The following PRG4 variants were observed in gnomAD, a reference collection of about 807,000 sequenced individuals.
PRG4 encodes the protein articular superficial zone protein.
Under a neutral mutation model 91.2 loss-of-function variants are expected in PRG4, and 61 were observed. The observed-to-expected ratio is 0.67, with a 90% CI of 0.54 to 0.83. PRG4 has a LOEUF of 0.83. PRG4 is among the 40% of genes least tolerant of loss of function. The probability of loss-of-function intolerance (pLI) is 0.00; values close to 1 mark genes in which losing one functional copy is unlikely to be tolerated. For missense variants in PRG4, 1,564 were observed against 1,714.2 expected (o/e 0.91, Z 1.55); for synonymous variants, 576 against 614.2 (o/e 0.94, Z 0.92).
Position 186,308,134 on chromosome 1 carries a change from C to A in PRG4, c.2415C>A (p.Thr805=). Residue 805 remains threonine (T), a synonymous_variant, in exon 7 of 13, where the codon ACC becomes ACA. Transcript: ENST00000445192. ...KKPAPKELAP[T]TTKGPTSTTS... ...CTGCCCCCAAGGAGCTTGCACCCAC[C>A]ACCACCAAGGGGCCCACATCCACCA... is the stretch of plus-strand genomic sequence containing the variant. 6.2e-7 allele frequency: 1 copy of A among 1,609,332 alleles called. No individual in the cohort carries two copies. The highest frequency in any genetic ancestry group is 1.7e-4 in the Middle Eastern group (1 of 6,040).
Position 186,311,456 on chromosome 1 carries a change from G to GT in PRG4, c.3657dup (p.Thr1220TyrfsTer3). ...AATTATCAGGATTCTCAGTACTGGC[G>GT]TTTTACCAATGATATAAAAGATGCA... On this transcript the variant is annotated frameshift_variant, in exon 10 of 13. Coordinates refer to ENST00000445192, the MANE Select transcript of PRG4 (RefSeq NM_005807.6). LOFTEE classifies it high-confidence loss of function. 1.1e-5 allele frequency: 17 copies of GT among 1,613,432 alleles called. No homozygotes were observed. The highest frequency in any genetic ancestry group is 1.4e-5 in the Non-Finnish European group (17 of 1,179,522).
rs144985922 is a variant in PRG4 at position 186,309,087 on chromosome 1, A to C, written c.3368A>C (p.Asp1123Ala). 8,581 of 1,613,978 alleles carry C rather than the reference A, an allele frequency of 5.3e-3. 733 individuals carry two copies. The Admixed American group carries it at 0.14, about 26-fold the overall frequency. ...VFMPEVTPDM[D>A]YLPRVPNQGI... is the part of the protein sequence containing the mutation. The stretch of plus-strand genomic sequence containing the variant: ...ATGCCTGAAGTTACTCCCGACATGG[A>C]TTACTTACCGAGAGTACCCAATCAA... The change falls in exon 7 of 13, where the codon GAT (aspartate) becomes GCT (alanine). Residue 1123 changes from aspartate to alanine, a missense_variant. Around this residue, in one of 3 missense-constraint regions of PRG4, gnomAD observed 1,079 missense variants for 1,162.2 expected, o/e 0.93. Coordinates refer to ENST00000445192, the MANE Select transcript of PRG4 (RefSeq NM_005807.6).
At position 186,312,160 on chromosome 1, in the gene PRG4, T is replaced by A. The variant is rs745600232; in HGVS notation, c.3794-15T>A. 2 of 1,610,724 alleles carry A rather than the reference T, an allele frequency of 1.2e-6. No individual in the cohort carries two copies. The highest frequency in any genetic ancestry group is 1.7e-6 in the Non-Finnish European group (2 of 1,177,018). On this transcript the variant is annotated splice_polypyrimidine_tract_variant and intron_variant, in intron 10 of 12. Coordinates refer to ENST00000445192, the MANE Select transcript of PRG4 (RefSeq NM_005807.6). ...TTAATTTTCATTTTCCATGTGATATTCTAATACATAACAGGTGGCAGCATT... is the reference window on the plus strand; with the variant it reads ...TTAATTTTCATTTTCCATGTGATATACTAATACATAACAGGTGGCAGCATT...
chr1:186,308,984 G>C lies in PRG4; in HGVS notation c.3265G>C (p.Glu1089Gln). 6.2e-7 allele frequency: 1 copy of C among 1,608,714 alleles called. No homozygotes were observed. The highest frequency in any genetic ancestry group is 8.5e-7 in the Non-Finnish European group (1 of 1,177,270). The change falls in exon 7 of 13, where the codon GAA becomes CAA. Residue 1089 changes from glutamate (E) to glutamine (Q), a missense_variant. By Grantham distance (29) the Glu-to-Gln change is conservative. This residue lies in a region of PRG4 where 1,079 missense variants were observed against 1,162.2 expected (regional missense o/e 0.93). Transcript: ENST00000445192. ...CCAAACTCCAAACTCCAAACTAGTT[G>C]AAGTAAATCCAAAGAGTGAAGATGC... ...PNQTPNSKLV[E>Q]VNPKSEDAGG... is the part of the protein sequence containing the mutation.
At chr1:186,298,999 G>A (rs1656029632) in intron 2 of PRG4, among the ~76,000 whole-genome samples, 1 of 152,076 alleles carries the variant, frequency 6.6e-6, no homozygotes. Flanking sequence ...TTCAGACTTT[G>A]GCATTCCTGG....
chr1:186,313,556 A>G, intron 12 of PRG4, 125 bp from the exon 13 acceptor site: 1 of 639,910 alleles, frequency 1.6e-6, no homozygotes, highest in Non-Finnish European at 2.8e-6. Context: ...GTTCAAATTA[A>G]TTAGTAAAAA....
At position 186,306,742 on chromosome 1, in the gene PRG4, C is replaced by A; in HGVS notation, c.1023C>A (p.Gly341=). Residue 341 remains glycine, a synonymous_variant, in exon 7 of 13, where the codon GGC becomes GGA. Transcript: ENST00000445192. ...CCAAAGCTGAAACTACAACCAAAGG[C>A]CCTGCTCTCACCACTCCCAAGGAGC... ...PTPKAETTTK[G]PALTTPKEPT... 1 of 1,613,642 alleles carries A rather than the reference C, an allele frequency of 6.2e-7. No individual in the cohort carries two copies. The highest frequency in any genetic ancestry group is 8.5e-7 in the Non-Finnish European group (1 of 1,179,766).
Position 186,312,813 on chromosome 1 carries a change from C to T in PRG4, c.4036C>T (p.Leu1346Phe), listed in dbSNP as rs1433471962. The T allele has an allele frequency of 6.2e-7, 1 of 1,612,032 alleles. No homozygotes were observed. Among genetic ancestry groups the T allele is most frequent in the East Asian group, 2.2e-5 (1 of 44,838 alleles). The change falls in exon 12 of 13, where the codon CTT (leucine) becomes TTT (phenylalanine). Residue 1346 changes from leucine (L) to phenylalanine (F), a missense_variant. Around this residue, in one of 3 missense-constraint regions of PRG4, gnomAD observed 1,079 missense variants for 1,162.2 expected, o/e 0.93. Transcript: ENST00000445192. ...TAAAGTGAGTATACTGTGGAGAGGA[C>T]TTCCAAATGTGGTTACCTCAGCTAT... ...EVKVSILWRG[L>F]PNVVTSAISL... is the part of the protein sequence containing the mutation.
At chr1:186,312,700 G>A (rs935018794) in intron 11 of PRG4, 69 bp from the exon 12 acceptor site, 3 of 1,508,808 alleles carry the variant, frequency 2.0e-6, no homozygotes, top group African/African-American at 1.4e-5. Context: ...AAACTCAGAT[G>A]TCTGGCTCTT....
chr1:186,312,829 C>A lies in PRG4; in HGVS notation c.4052C>A (p.Thr1351Asn). Reference sequence around the variant, plus strand: ...TGGAGAGGACTTCCAAATGTGGTTACCTCAGCTATATCACTGCCCAACATC... The same window carrying A: ...TGGAGAGGACTTCCAAATGTGGTTAACTCAGCTATATCACTGCCCAACATC... Reference protein sequence around the residue: ...ILWRGLPNVVTSAISLPNIRK... With the variant: ...ILWRGLPNVVNSAISLPNIRK... The change falls in exon 12 of 13, where the codon ACC (threonine) becomes AAC (asparagine). Residue 1351 changes from threonine to asparagine, a missense_variant. Thr to Asn is a moderately conservative substitution (Grantham distance 65). Around this residue, in one of 3 missense-constraint regions of PRG4, gnomAD observed 1,079 missense variants for 1,162.2 expected, o/e 0.93. Coordinates refer to ENST00000445192, the MANE Select transcript of PRG4 (RefSeq NM_005807.6). 1 of 1,611,516 alleles carries A rather than the reference C, an allele frequency of 6.2e-7. No individual in the cohort carries two copies. Among genetic ancestry groups the A allele is most frequent in the Non-Finnish European group, 8.5e-7 (1 of 1,177,662 alleles).
chr1:186,314,232 CA>C lies in PRG4; in HGVS notation c.*455del. ...ACAATCTAAAAGTTATATTGGAAAACATGGAAATATTAAAATTTTACACTTT... is the reference window on the plus strand; with the variant it reads ...ACAATCTAAAAGTTATATTGGAAAACTGGAAATATTAAAATTTTACACTTT... On this transcript the variant is annotated 3_prime_UTR_variant, in exon 13 of 13. Transcript: ENST00000445192. 2.0e-6 allele frequency: 1 copy of C among 497,870 alleles called. No individual in the cohort carries two copies. Among genetic ancestry groups the C allele is most frequent in the Non-Finnish European group, 3.5e-6 (1 of 285,978 alleles). 30.8% of individuals were successfully genotyped at this position (497,870 alleles called of 1,614,324 possible).
At chr1:186,300,780 G>T (rs776019227) in intron 3 of PRG4, among the ~76,000 whole-genome samples, 3 of 151,960 alleles carry the variant, frequency 2.0e-5, no homozygotes, top group Non-Finnish European at 2.9e-5. Flanking sequence ...AATTATGAGT[G>T]GTGTTTCACT....
rs1657239367 is a variant in PRG4 at position 186,311,572 on chromosome 1, G to A, written c.3769G>A (p.Glu1257Lys). 2 of 1,613,946 alleles carry A rather than the reference G, an allele frequency of 1.2e-6. No homozygotes were observed. The highest frequency in any genetic ancestry group is 2.7e-5 in the African/African-American group (2 of 75,018). Reference protein sequence around the residue: ...LSTAKYKNWPESVYFFKRGGS... With the variant: ...LSTAKYKNWPKSVYFFKRGGS... The stretch of plus-strand genomic sequence containing the variant: ...AACAGCTAAATATAAGAACTGGCCT[G>A]AATCTGTGTATTTTTTCAAGAGAGG... Residue 1257 changes from glutamate to lysine, a missense_variant, in exon 10 of 13, where the codon GAA becomes AAA. By Grantham distance (56) the Glu-to-Lys change is moderately conservative (BLOSUM62 1). This residue lies in a region of PRG4 where 1,079 missense variants were observed against 1,162.2 expected (regional missense o/e 0.93). Coordinates refer to ENST00000445192, the MANE Select transcript of PRG4 (RefSeq NM_005807.6).
Position 186,307,747 on chromosome 1 carries a change from C to A in PRG4, c.2028C>A (p.Thr676=). Residue 676 remains threonine, a synonymous_variant, in exon 7 of 13, where the codon ACC becomes ACA. Transcript: ENST00000445192. ...CTCCCAAGGCAGCGGCTCCCAACAC[C>A]CCTAAGGAGCCTGCTCCAACTACCC... is the stretch of plus-strand genomic sequence containing the variant. ...PTTPKAAAPN[T]PKEPAPTTPK... is the part of the protein sequence containing the mutation. 1 of 1,610,362 alleles carries A rather than the reference C, an allele frequency of 6.2e-7. No homozygotes were observed. Among genetic ancestry groups the A allele is most frequent in the Non-Finnish European group, 8.5e-7 (1 of 1,178,272 alleles).
chr1:186,313,645 C>A (rs370947927), intron 12 of PRG4, 36 bp from the exon 13 acceptor site: 3 of 1,302,736 alleles, frequency 2.3e-6, no homozygotes, highest in Non-Finnish European at 3.3e-6. Flanking sequence ...GCATTGTTTT[C>A]TTTTTAACTA....
At chr1:186,309,520 T>C (rs1006506827) in intron 7 of PRG4, among the ~76,000 whole-genome samples, 5 of 152,210 alleles carry the variant, frequency 3.3e-5, no homozygotes, top group Non-Finnish European at 7.3e-5. Flanking sequence ...ATTGAGTTCA[T>C]ACATCCAAAA....
intron 4 of PRG4, 151 bp downstream of exon 4, chr1:186,301,862 A>C: frequency 8.3e-7 from 1 of 1,199,124 alleles, no homozygotes; most frequent in Non-Finnish European, 1.2e-6. Context: ...TTTTGTGGAG[A>C]TGAATTAAAG....
intron 2 of PRG4, among the ~76,000 whole-genome samples, chr1:186,297,420 A>C (rs548139398): frequency 6.6e-6 from 1 of 152,330 alleles, no homozygotes; most frequent in South Asian, 2.1e-4. Flanking sequence ...AGTGTTTCAA[A>C]TGGCATTTTA....
chr1:186,297,296 CAT>C (rs1473586143), intron 2 of PRG4, among the ~76,000 whole-genome samples: 1 of 152,074 alleles, frequency 6.6e-6, no homozygotes, highest in African/African-American at 2.4e-5. Flanking sequence ...ATTTAGATAA[CAT>C]GTAATTTTTG....
Sources: allele counts gnomAD v4.1 joint callset (sites outside exome capture counted in the v4.1 genomes callset), GRCh38; gene constraint gnomAD v4.1.1; regional missense constraint gnomAD v4.1.1; transcripts MANE v1.5; gene names NCBI Gene and HGNC (gene_info 2026-07-23, HGNC 2026-07-21).